NLGN4X: variants seen among roughly 807,000 people sequenced by gnomAD.
NLGN4X encodes the protein neuroligin-4, X-linked.
Under a neutral mutation model 40.3 loss-of-function variants are expected in NLGN4X, and 3 were observed. The ratio of observed to expected loss-of-function variants is 0.07; its 90% CI spans 0.03 to 0.19. NLGN4X has a LOEUF of 0.19. Among genes scored for constraint, NLGN4X ranks in the 10% least tolerant of loss-of-function variants. The probability of loss-of-function intolerance (pLI) is 1.00; values close to 1 mark genes in which losing one functional copy is unlikely to be tolerated. For missense variants in NLGN4X, 382 were observed against 708.3 expected, an observed-to-expected ratio of 0.54 and a Z score of 5.23; for synonymous variants, 270 against 306.8, an observed-to-expected ratio of 0.88 and a Z score of 1.25.
chrX:5,894,496 G>A lies in NLGN4X; in HGVS notation c.1602-830C>T, dbSNP rs781377554. On this transcript the variant is annotated intron_variant, in intron 5 of 5. Coordinates refer to ENST00000381095, the MANE Select transcript of NLGN4X (RefSeq NM_181332.3). Reference sequence around the variant, plus strand: ...CTAAAATGGTACATATAGTTATGATGAGGTTAACATGTTTAAGATAAAAAA... The same window carrying A: ...CTAAAATGGTACATATAGTTATGATAAGGTTAACATGTTTAAGATAAAAAA... Among the ~76,000 whole-genome samples, 5 of 112,025 alleles carry A rather than the reference G, an allele frequency of 4.5e-5. No homozygotes were observed. The Admixed American group carries it at 4.7e-4, about 11-fold the overall frequency.
At chrX:5,967,492 A>T (rs2034868567) in intron 3 of NLGN4X, among the ~76,000 whole-genome samples, 1 of 110,942 alleles carries the variant, frequency 9.0e-6, no homozygotes, top group African/African-American at 3.3e-5. Flanking sequence ...GAGACCTCTT[A>T]TAAAATCCTG....
intron 2 of NLGN4X, among the ~76,000 whole-genome samples, chrX:6,128,938 G>C (rs2039620843): frequency 8.9e-6 from 1 of 111,795 alleles, no homozygotes; most frequent in Admixed American, 9.5e-5. Context: ...GAAGTGCAAT[G>C]CATTCCCAGC....
chrX:5,909,307 A>C, intron 3 of NLGN4X, 68 bp from the exon 4 acceptor site: 1 of 1,096,194 alleles, frequency 9.1e-7, no homozygotes, highest in Non-Finnish European at 1.3e-6. Flanking sequence ...CTGCTATTTG[A>C]AAAGATATCT....
At chrX:6,057,205 C>T (rs1367840596) in intron 2 of NLGN4X, among the ~76,000 whole-genome samples, 1 of 111,553 alleles carries the variant, frequency 9.0e-6, no homozygotes, top group Admixed American at 9.6e-5. Flanking sequence ...GAGTGACGTG[C>T]ATTTGTAGTT....
chrX:6,055,348 A>C (rs1276378345), intron 2 of NLGN4X, among the ~76,000 whole-genome samples: 3 of 111,910 alleles, frequency 2.7e-5, no homozygotes, highest in African/African-American at 9.7e-5. Context: ...AAAATTAAAA[A>C]ATTAGTTGGC....
intron 3 of NLGN4X, among the ~76,000 whole-genome samples, chrX:5,986,075 A>C (rs769635204): frequency 8.9e-6 from 1 of 112,327 alleles, no homozygotes; most frequent in East Asian, 2.8e-4. Flanking sequence ...TATTTTAGTT[A>C]CTGAAAGAAT....
At chrX:6,009,536 A>G (rs1362988212) in intron 3 of NLGN4X, among the ~76,000 whole-genome samples, 2 of 112,647 alleles carry the variant, frequency 1.8e-5, no homozygotes, top group East Asian at 5.6e-4. Context: ...GAGATTTTCA[A>G]TGTACTGTCC....
intron 2 of NLGN4X, among the ~76,000 whole-genome samples, chrX:6,089,391 C>G (rs950859805): frequency 8.9e-6 from 1 of 112,386 alleles, no homozygotes; most frequent in Admixed American, 9.4e-5. Flanking sequence ...ACATTAATGT[C>G]TCTGCAAGTC....
intron 3 of NLGN4X, among the ~76,000 whole-genome samples, chrX:5,919,331 GA>G (rs2032935725): frequency 9.0e-6 from 1 of 111,420 alleles, no homozygotes; most frequent in African/African-American, 3.3e-5. Flanking sequence ...GTCTTATAAG[GA>G]TATTTTTATT....
intron 3 of NLGN4X, among the ~76,000 whole-genome samples, chrX:6,009,608 C>T (rs1279088653): frequency 8.9e-6 from 1 of 112,229 alleles, no homozygotes; most frequent in African/African-American, 3.2e-5. Context: ...GAAGAGCTGA[C>T]ATTTCGGTGG....
chrX:6,113,886 T>C (rs1402909384), intron 2 of NLGN4X, among the ~76,000 whole-genome samples: 3 of 111,287 alleles, frequency 2.7e-5, no homozygotes, highest in Non-Finnish European at 5.6e-5. Context: ...AGTGGCGCAA[T>C]CTCAGCTCAC....
At chrX:6,050,781 A>G (rs2037471935) in intron 2 of NLGN4X, among the ~76,000 whole-genome samples, 1 of 108,112 alleles carries the variant, frequency 9.2e-6, no homozygotes, top group African/African-American at 3.4e-5. Context: ...CTGTCCATCT[A>G]TCTATCTATC....
At chrX:5,999,564 CA>C (rs2035920719) in intron 3 of NLGN4X, among the ~76,000 whole-genome samples, 1 of 112,172 alleles carries the variant, frequency 8.9e-6, no homozygotes, top group African/African-American at 3.2e-5. Context: ...CTGGCTCTCA[CA>C]AACTAGAATC....
At chrX:6,096,444 T>C (rs1477371428) in intron 2 of NLGN4X, among the ~76,000 whole-genome samples, 1 of 111,563 alleles carries the variant, frequency 9.0e-6, no homozygotes, top group East Asian at 2.8e-4. Context: ...CTTAATGTGA[T>C]AGCCTCAAGA....
chrX:6,213,784 C>T (rs751581238), intron 1 of NLGN4X, among the ~76,000 whole-genome samples: 1 of 111,908 alleles, frequency 8.9e-6, no homozygotes, highest in Non-Finnish European at 1.9e-5. Context: ...AACTTTCCAC[C>T]AAATGGAATA....
intron 1 of NLGN4X, among the ~76,000 whole-genome samples, chrX:6,224,977 CATATATATATATAT>C (rs34139921): frequency 1.3e-4 from 7 of 52,314 alleles, no homozygotes; most frequent in East Asian, 5.8e-4. Context: ...TTAAAATGGC[CATATATATATATAT>C]ATATATATAT....
intron 1 of NLGN4X, among the ~76,000 whole-genome samples, chrX:6,184,547 GGT>G (rs377323334): frequency 0.016 from 1,718 of 106,508 alleles, 47 homozygotes; most frequent in African/African-American, 0.057. Context: ...TGCTGGGGGG[GGT>G]GGGGAATCTC....
intron 2 of NLGN4X, among the ~76,000 whole-genome samples, chrX:6,117,699 A>C (rs1350990704): frequency 1.8e-5 from 2 of 112,029 alleles, no homozygotes; most frequent in Non-Finnish European, 3.8e-5. Context: ...TTTTTCCTGA[A>C]AGTCTATTCA....
intron 3 of NLGN4X, among the ~76,000 whole-genome samples, chrX:6,000,022 C>A (rs1208287898): frequency 8.9e-6 from 1 of 112,044 alleles, no homozygotes; most frequent in Non-Finnish European, 1.9e-5. Flanking sequence ...ACAATAAAAC[C>A]AAGAGTCAAA....
Sources: allele counts gnomAD v4.1 joint callset (sites outside exome capture counted in the v4.1 genomes callset), GRCh38; gene constraint gnomAD v4.1.1; transcripts MANE v1.5; gene names NCBI Gene and HGNC (gene_info 2026-07-23, HGNC 2026-07-21).